The following FUT8 variants were observed in gnomAD, a reference collection of about 807,000 sequenced individuals.
FUT8 encodes the protein fucosyltransferase 8.
FUT8 carries 29 observed loss-of-function variants against 71.3 expected under a neutral mutation model. The ratio of observed to expected loss-of-function variants is 0.41; its 90% CI spans 0.30 to 0.55. FUT8 has a LOEUF of 0.55. FUT8 is among the 20% of genes least tolerant of loss of function. The pLI is 0.34. For synonymous variants in FUT8, 254 were observed against 239.3 expected (o/e 1.06, Z -0.57); for missense variants, 544 against 702.1 (o/e 0.77, Z 2.55).
At chr14:65,432,714 G>A (rs535994985) in intron 1 of FUT8, among the ~76,000 whole-genome samples, 1 of 152,256 alleles carries the variant, frequency 6.6e-6, no homozygotes, top group South Asian at 2.1e-4. Flanking sequence ...GGCAATGAGA[G>A]TGACCTCTGG....
rs150365169 is a variant in FUT8 at position 65,588,652 on chromosome 14, C to CA, written c.203+26886_203+26887insA. ...ATCATATTACTGTGGTCCCCTTTAT[C>CA]CATGGTTTTGCTTTCTGCAGTTTCA... On this transcript the variant is annotated intron_variant, in intron 3 of 10. Coordinates refer to ENST00000673929, the MANE Select transcript of FUT8 (RefSeq NM_001371533.1). 5.7e-3 allele frequency among the ~76,000 whole-genome samples: 870 copies of CA among 152,182 alleles called. 29 individuals are homozygous for CA. In the East Asian group the frequency reaches 0.093, roughly 16 times the overall value.
intron 2 of FUT8, among the ~76,000 whole-genome samples, chr14:65,538,198 A>T (rs1370450395): frequency 6.6e-6 from 1 of 152,194 alleles, no homozygotes; most frequent in Non-Finnish European, 1.5e-5. Context: ...CACTTCTCGA[A>T]GCAGCTTTCC....
At chr14:65,468,677 G>C (rs1262687548) in intron 2 of FUT8, among the ~76,000 whole-genome samples, 1 of 151,914 alleles carries the variant, frequency 6.6e-6, no homozygotes, top group African/African-American at 2.4e-5. Flanking sequence ...TATCTTGCTT[G>C]GTGTTCTCTG....
chr14:65,469,830 T>C (rs1308273148), intron 2 of FUT8, among the ~76,000 whole-genome samples: 1 of 152,196 alleles, frequency 6.6e-6, no homozygotes, highest in Non-Finnish European at 1.5e-5. Context: ...TCGGGGCTTT[T>C]ATGGACCTCA....
chr14:65,390,882 G>C, the FUT8 span, among the ~76,000 whole-genome samples: 1 of 151,702 alleles, frequency 6.6e-6, no homozygotes, highest in Non-Finnish European at 1.5e-5. Flanking sequence ...CGCCACATTA[G>C]CACCTGGCTA....
intron 2 of FUT8, among the ~76,000 whole-genome samples, chr14:65,463,036 C>T (rs1447831132): frequency 6.6e-6 from 1 of 152,126 alleles, no homozygotes. Flanking sequence ...AATTCAGAGA[C>T]TCTCACTACA....
intron 3 of FUT8, among the ~76,000 whole-genome samples, chr14:65,565,173 C>G (rs1886124732): frequency 6.6e-6 from 1 of 151,894 alleles, no homozygotes; most frequent in African/African-American, 2.4e-5. Flanking sequence ...TTTAAACAAC[C>G]TGCTCTTTTG....
At chr14:65,647,238 AG>A (rs1400934172) in intron 6 of FUT8, among the ~76,000 whole-genome samples, 2 of 152,198 alleles carry the variant, frequency 1.3e-5, no homozygotes, top group African/African-American at 4.8e-5. Context: ...TGGTTGTGAT[AG>A]GGAGCAGGTG....
rs142168990 is a variant in FUT8, at chr14:65,610,953, G to T, written c.204-5025G>T. 6.3e-3 allele frequency among the ~76,000 whole-genome samples: 954 copies of T among 151,668 alleles called. 14 individuals carry two copies. The highest frequency in any genetic ancestry group is 0.036 in the East Asian group (184 of 5,180). ...AATTTTTATATTGGTGTTCATGAGA[G>T]ATACTGTTCTGTAATTTTTTTTCTT... On this transcript the variant is annotated intron_variant, in intron 3 of 10. Transcript: ENST00000673929.
the FUT8 span, among the ~76,000 whole-genome samples, chr14:65,390,719 C>T: frequency 1.5e-5 from 2 of 131,838 alleles, no homozygotes; most frequent in Non-Finnish European, 3.1e-5. Flanking sequence ...CGATTAATTT[C>T]CTATTCTTTT....
intron 7 of FUT8, among the ~76,000 whole-genome samples, chr14:65,677,777 CTT>C (rs2140399564): frequency 6.6e-6 from 1 of 152,232 alleles, no homozygotes; most frequent in South Asian, 2.1e-4. Flanking sequence ...AAAGATGACT[CTT>C]CAGGAACTTG....
chr14:65,574,153 G>A lies in FUT8; in HGVS notation c.203+12387G>A, dbSNP rs185615232. ...CCTCAGTTTCTTGCTGTCTGCCAGA[G>A]GCTGCCCTCAGTTCCTTTCCAAGTG... On this transcript the variant is annotated intron_variant, in intron 3 of 10. Coordinates refer to ENST00000673929, the MANE Select transcript of FUT8 (RefSeq NM_001371533.1). The surrounding 1 kb of genome is among the most constrained non-coding windows in gnomAD (Gnocchi z 5.2). Among the ~76,000 whole-genome samples the A allele has an allele frequency of 1.3e-5, 2 of 152,240 alleles. No homozygotes were observed. Among genetic ancestry groups the A allele is most frequent in the Admixed American group, 1.3e-4 (2 of 15,276 alleles).
chr14:65,610,262 G>C (rs567501299), intron 3 of FUT8, among the ~76,000 whole-genome samples: 5 of 151,782 alleles, frequency 3.3e-5, no homozygotes, highest in African/African-American at 1.2e-4. Context: ...AGGACATCTT[G>C]TTTTGTTTCT....
chr14:65,519,351 C>T (rs879278330), intron 2 of FUT8, among the ~76,000 whole-genome samples: 2 of 152,040 alleles, frequency 1.3e-5, no homozygotes, highest in Non-Finnish European at 2.9e-5. Context: ...TCTAATTTAC[C>T]TAATGTTGAA....
At chr14:65,438,552 G>A (rs2065595290) in intron 1 of FUT8, among the ~76,000 whole-genome samples, 1 of 152,220 alleles carries the variant, frequency 6.6e-6, no homozygotes, top group African/African-American at 2.4e-5. Flanking sequence ...GTAGAATGGA[G>A]AGCTGGAAAG....
In FUT8 at chr14:65,692,379, C is replaced by T. The variant is rs1276698221; in HGVS notation, c.835+22899C>T. 5.5e-5 allele frequency among the ~76,000 whole-genome samples: 8 copies of T among 146,450 alleles called. No individual in the cohort carries two copies. In the East Asian group the frequency reaches 1.1e-3, roughly 19 times the overall value. On this transcript the variant is annotated intron_variant, in intron 7 of 10. Coordinates refer to ENST00000673929, the MANE Select transcript of FUT8 (RefSeq NM_001371533.1). ...GGGGCTGACCCCCCCACCTCCCTCC[C>T]GGACGGGGCGGCTGGCCGGGCGGGG... is the stretch of plus-strand genomic sequence containing the variant.
Position 65,643,621 on chromosome 14 carries a change from T to A in FUT8, c.597+14015T>A, listed in dbSNP as rs534300190. The stretch of plus-strand genomic sequence containing the variant: ...GTGAGCAGAGATCATGCCACTGCAC[T>A]GCAGCCTGGGCGACAGAGCGAGACT... On this transcript the variant is annotated intron_variant, in intron 6 of 10. Coordinates refer to ENST00000673929, the MANE Select transcript of FUT8 (RefSeq NM_001371533.1). This position sits in a 1 kb window ranked among gnomAD's most constrained non-coding sequence, Gnocchi z 4.5. Among the ~76,000 whole-genome samples the A allele has an allele frequency of 1.3e-5, 2 of 148,880 alleles. No individual in the cohort carries two copies. Among genetic ancestry groups the A allele is most frequent in the Non-Finnish European group, 3.0e-5 (2 of 67,624 alleles).
chr14:65,717,787 G>T (rs1454603515), intron 7 of FUT8, among the ~76,000 whole-genome samples: 1 of 151,128 alleles, frequency 6.6e-6, no homozygotes, highest in East Asian at 2.0e-4. Context: ...TTCCCAGACG[G>T]GGCGGCCAGG....
rs118144374 is a variant in FUT8 at position 65,667,572 on chromosome 14, C to T, written c.598-1671C>T. 6.2e-3 allele frequency among the ~76,000 whole-genome samples: 943 copies of T among 152,250 alleles called. 11 individuals carry two copies. Among genetic ancestry groups the T allele is most frequent in the East Asian group, 0.035 (184 of 5,186 alleles). ...CTCCAGGCTCATGGGTAGGAAGAAT[C>T]AGTATCATTAAAATGGCCATAGTGC... On this transcript the variant is annotated intron_variant, in intron 6 of 10. Coordinates refer to ENST00000673929, the MANE Select transcript of FUT8 (RefSeq NM_001371533.1).
Sources: allele counts gnomAD v4.1 joint callset (sites outside exome capture counted in the v4.1 genomes callset), GRCh38; gene constraint gnomAD v4.1.1; non-coding constraint Gnocchi (gnomAD v3.1); transcripts MANE v1.5; gene names NCBI Gene and HGNC (gene_info 2026-07-23, HGNC 2026-07-21).